Variants in PDGFRL observed in about 807,000 individuals in gnomAD.
PDGFRL encodes the protein platelet derived growth factor receptor like.
A neutral mutation model predicts 37.2 loss-of-function variants in PDGFRL; 46 were observed. The observed-to-expected ratio is 1.24, with a 90% CI of 0.98 to 1.58. The LOEUF (loss-of-function observed/expected upper bound fraction) is 1.58, where lower values mean the gene tolerates loss of function less well. PDGFRL is among the 40% of genes most tolerant of loss of function. PDGFRL has a pLI of 0.00. For synonymous variants in PDGFRL, 251 were observed against 184.3 expected, an observed-to-expected ratio of 1.36 and a Z score of -2.93; for missense variants, 692 against 467.6, an observed-to-expected ratio of 1.48 and a Z score of -4.43.
At chr8:17,582,034 G>A (rs1200612153) in intron 1 of PDGFRL, among the ~76,000 whole-genome samples, 2 of 152,144 alleles carry the variant, frequency 1.3e-5, no homozygotes, top group Non-Finnish European at 2.9e-5. Context: ...TTAGAGATTG[G>A]TTATATAGTT....
At chr8:17,615,879 A>C (rs2129740264) in intron 2 of PDGFRL, among the ~76,000 whole-genome samples, 1 of 152,360 alleles carries the variant, frequency 6.6e-6, no homozygotes, top group Non-Finnish European at 1.5e-5. Flanking sequence ...ACTGTACTCA[A>C]AGCCTGGGCA....
intron 5 of PDGFRL, among the ~76,000 whole-genome samples, chr8:17,640,031 G>A (rs971976429): frequency 9.2e-5 from 14 of 152,154 alleles, no homozygotes; most frequent in Admixed American, 1.3e-4. Context: ...TCTGATGTTC[G>A]AGTTCTGAAG....
intron 2 of PDGFRL, among the ~76,000 whole-genome samples, chr8:17,610,380 G>A (rs981364682): frequency 2.6e-5 from 4 of 152,108 alleles, no homozygotes; most frequent in African/African-American, 9.7e-5. Flanking sequence ...GAAACTTTTT[G>A]AGCAATATGA....
intron 2 of PDGFRL, among the ~76,000 whole-genome samples, chr8:17,611,700 C>A (rs60216285): frequency 6.6e-6 from 1 of 152,054 alleles, no homozygotes; most frequent in Non-Finnish European, 1.5e-5. Flanking sequence ...GAGGTGGTAA[C>A]GTGCAATTCT....
At chr8:17,589,175 C>G (rs1301100568) in intron 1 of PDGFRL, among the ~76,000 whole-genome samples, 1 of 151,986 alleles carries the variant, frequency 6.6e-6, no homozygotes, top group South Asian at 2.1e-4. Context: ...GTCAGGACTT[C>G]GAGACCAGCC....
chr8:17,592,239 C>G (rs188392144), intron 2 of PDGFRL, among the ~76,000 whole-genome samples: 1 of 152,180 alleles, frequency 6.6e-6, no homozygotes, highest in East Asian at 1.9e-4. Context: ...TGCTTTTGCG[C>G]CAACCTAATA....
intron 2 of PDGFRL, among the ~76,000 whole-genome samples, chr8:17,606,971 C>G (rs907813756): frequency 6.9e-6 from 1 of 144,858 alleles, no homozygotes; most frequent in Non-Finnish European, 1.5e-5. Context: ...TCTGGGCTCA[C>G]TGCAACCTCC....
rs543147152 is a variant in PDGFRL at position 17,642,930 on chromosome 8, G to C, written c.*129G>C. 22 of 622,498 alleles carry C rather than the reference G, an allele frequency of 3.5e-5. No individual in the cohort carries two copies. The allele number at this position is 622,498 out of a possible 1,614,324, so 38.6% of individuals were successfully genotyped here. Reference sequence around the variant, plus strand: ...CCACACCCCAACCCCAGCGTCTCGTGAGTCCGACCCAGACATCCAAACTAA... The same window carrying C: ...CCACACCCCAACCCCAGCGTCTCGTCAGTCCGACCCAGACATCCAAACTAA... On this transcript the variant is annotated 3_prime_UTR_variant, in exon 6 of 6. Transcript: ENST00000251630.
intron 2 of PDGFRL, among the ~76,000 whole-genome samples, chr8:17,610,651 C>T (rs1347301418): frequency 6.6e-6 from 1 of 152,164 alleles, no homozygotes; most frequent in East Asian, 1.9e-4. Flanking sequence ...TGGCTCACAC[C>T]TGTAATCCGA....
intron 2 of PDGFRL, among the ~76,000 whole-genome samples, chr8:17,592,639 T>G (rs1357024782): frequency 3.9e-5 from 6 of 152,164 alleles, no homozygotes; most frequent in South Asian, 2.1e-4. Context: ...GTTTGCTCTT[T>G]CATAGCCAGG....
At chr8:17,584,537 A>G (rs1381502555) in intron 1 of PDGFRL, among the ~76,000 whole-genome samples, 2 of 152,052 alleles carry the variant, frequency 1.3e-5, no homozygotes, top group African/African-American at 2.4e-5. Flanking sequence ...AAGAGCTGCC[A>G]CAGACTGAAG....
At chr8:17,630,180 C>T (rs1434942157) in intron 4 of PDGFRL, among the ~76,000 whole-genome samples, 4 of 152,126 alleles carry the variant, frequency 2.6e-5, no homozygotes, top group Non-Finnish European at 5.9e-5. Flanking sequence ...TCTGTTTTCC[C>T]CAATGTGCAC....
intron 2 of PDGFRL, among the ~76,000 whole-genome samples, chr8:17,612,386 T>G (rs111511525): frequency 6.6e-6 from 1 of 152,192 alleles, no homozygotes; most frequent in Non-Finnish European, 1.5e-5. Context: ...TCTTTTCTTT[T>G]TTTGAGACAG....
intron 2 of PDGFRL, among the ~76,000 whole-genome samples, chr8:17,590,253 A>AAAAAAAAAAAAG (rs1356419901): frequency 6.9e-6 from 1 of 144,630 alleles, no homozygotes; most frequent in African/African-American, 2.6e-5. Context: ...AAAAAAAAAA[A>AAAAAAAAAAAAG]AAATTGCAAA....
chr8:17,606,144 G>A (rs1261077871), intron 2 of PDGFRL, among the ~76,000 whole-genome samples: 1 of 151,990 alleles, frequency 6.6e-6, no homozygotes. Flanking sequence ...TTTGGTAAAT[G>A]TTGTGGAGAG....
At chr8:17,629,987 C>T (rs956407711) in intron 4 of PDGFRL, among the ~76,000 whole-genome samples, 2 of 152,158 alleles carry the variant, frequency 1.3e-5, no homozygotes, top group African/African-American at 4.8e-5. Flanking sequence ...CCTCTCTGTA[C>T]TCCCCTCTCC....
intron 5 of PDGFRL, among the ~76,000 whole-genome samples, chr8:17,638,655 C>T (rs895790629): frequency 5.4e-5 from 8 of 148,610 alleles, no homozygotes; most frequent in Admixed American, 3.4e-4. Context: ...TGAAGTTCCC[C>T]ACTATTACTG....
At chr8:17,593,533 C>G (rs1269232648) in intron 2 of PDGFRL, among the ~76,000 whole-genome samples, 1 of 150,936 alleles carries the variant, frequency 6.6e-6, no homozygotes, top group Non-Finnish European at 1.5e-5. Context: ...AGGAAGTCAA[C>G]GCTGCAGTGA....
At chr8:17,625,399 C>G (rs924758262) in intron 3 of PDGFRL, among the ~76,000 whole-genome samples, 2 of 151,734 alleles carry the variant, frequency 1.3e-5, no homozygotes, top group African/African-American at 4.8e-5. Flanking sequence ...ATCCGCCTGC[C>G]TTGGCCTCCC....
Sources: gnomAD v4.1 joint callset for allele counts (sites outside exome capture counted in the v4.1 genomes callset) on GRCh38, gnomAD v4.1.1 for gene constraint, MANE v1.5 for transcripts, NCBI Gene and HGNC (gene_info 2026-07-23, HGNC 2026-07-21) for gene names.